Variants in RBFOX1 observed in about 807,000 individuals in gnomAD.
RBFOX1 encodes the protein RNA binding protein fox-1 homolog 1.
RBFOX1 carries 8 observed loss-of-function variants against 57.7 expected under a neutral mutation model. The ratio of observed to expected loss-of-function variants is 0.14; its 90% CI spans 0.08 to 0.25. The LOEUF (loss-of-function observed/expected upper bound fraction) is 0.25. Ranked by LOEUF, RBFOX1 falls within the 10% of genes least tolerant of loss-of-function variation. The pLI, the probability that RBFOX1 is intolerant of heterozygous loss-of-function variation, is 1.00. For missense variants in RBFOX1, 611 were observed against 548.5 expected (o/e 1.11, Z -1.14); for synonymous variants, 326 against 222.4 (o/e 1.47, Z -4.15).
intron 3 of RBFOX1, among the ~76,000 whole-genome samples, chr16:6,963,897 A>G (rs1407719146): frequency 6.6e-6 from 1 of 152,024 alleles, no homozygotes; most frequent in African/African-American, 2.4e-5. Flanking sequence ...ATGGGATTTC[A>G]CTGTGTTAGC....
chr16:7,283,432 A>G (rs1034197999), intron 4 of RBFOX1, among the ~76,000 whole-genome samples: 2 of 152,046 alleles, frequency 1.3e-5, no homozygotes, highest in Non-Finnish European at 2.9e-5. Context: ...GGAGCTCACT[A>G]GGTAGATGAT....
At chr16:6,985,547 G>C (rs1048046847) in intron 3 of RBFOX1, among the ~76,000 whole-genome samples, 1 of 152,108 alleles carries the variant, frequency 6.6e-6, no homozygotes, top group African/African-American at 2.4e-5. Flanking sequence ...ATTAGACAGG[G>C]CTGGGAGCAG....
At chr16:6,204,912 A>C (rs374840724) in intron 1 of RBFOX1, among the ~76,000 whole-genome samples, 26 of 152,286 alleles carry the variant, frequency 1.7e-4, no homozygotes, top group African/African-American at 5.8e-4. Flanking sequence ...ACACACGATT[A>C]AGTTTTGACC....
intron 4 of RBFOX1, among the ~76,000 whole-genome samples, chr16:7,498,419 G>A (rs1731542863): frequency 6.6e-6 from 1 of 151,212 alleles, no homozygotes; most frequent in Non-Finnish European, 1.5e-5. Context: ...TATAACCATG[G>A]TCACAAATAT....
At chr16:7,205,763 A>G (rs2089836150) in intron 4 of RBFOX1, among the ~76,000 whole-genome samples, 2 of 152,258 alleles carry the variant, frequency 1.3e-5, no homozygotes, top group Non-Finnish European at 2.9e-5. Context: ...GAAAAGGGCA[A>G]AAGTGAGTGC....
At chr16:7,401,712 A>C (rs1470593535) in intron 4 of RBFOX1, among the ~76,000 whole-genome samples, 1 of 152,144 alleles carries the variant, frequency 6.6e-6, no homozygotes, top group East Asian at 1.9e-4. Context: ...TGAGGATGAC[A>C]GTGAGGTAAT....
chr16:5,959,896 G>T (rs538758587), intron 4 of RBFOX1, among the ~76,000 whole-genome samples: 1 of 152,176 alleles, frequency 6.6e-6, no homozygotes, highest in Non-Finnish European at 1.5e-5. Context: ...ACCAACAAGT[G>T]TTTTTGAATA....
At chr16:6,495,075 G>T (rs1490440278) in intron 2 of RBFOX1, among the ~76,000 whole-genome samples, 1 of 152,056 alleles carries the variant, frequency 6.6e-6, no homozygotes, top group East Asian at 1.9e-4. Context: ...GGAGAACCCC[G>T]CATTTTAACC....
intron 4 of RBFOX1, among the ~76,000 whole-genome samples, chr16:7,517,184 TG>T (rs1220299376): frequency 7.6e-6 from 1 of 131,760 alleles, no homozygotes; most frequent in African/African-American, 2.8e-5. Context: ...TGTGTGTGTG[TG>T]TGTTGTGGTA....
In RBFOX1 at chr16:6,249,508, A is replaced by T. The variant is rs188529000; in HGVS notation, c.-126-67487A>T. 6.7e-3 allele frequency among the ~76,000 whole-genome samples: 1,020 copies of T among 152,266 alleles called. 5 individuals are homozygous for T. Among genetic ancestry groups the T allele is most frequent in the Middle Eastern group, 0.027 (8 of 294 alleles). ...CACTGCACTCCAGCTTGGGCGACAGAGGGAGACTCCATCTCAAAAAAACAA... is the reference window on the plus strand; with the variant it reads ...CACTGCACTCCAGCTTGGGCGACAGTGGGAGACTCCATCTCAAAAAAACAA... On this transcript the variant is annotated intron_variant, in intron 1 of 15. Transcript: ENST00000550418.
chr16:7,078,666 T>C (rs2058674940), intron 4 of RBFOX1, among the ~76,000 whole-genome samples: 1 of 150,256 alleles, frequency 6.7e-6, no homozygotes, highest in Admixed American at 6.6e-5. Flanking sequence ...TTTTTTATTT[T>C]ATCTTATTTT....
intron 1 of RBFOX1, among the ~76,000 whole-genome samples, chr16:5,374,012 G>A (rs1187859626): frequency 1.3e-5 from 2 of 152,230 alleles, no homozygotes; most frequent in African/African-American, 4.8e-5. Flanking sequence ...CCAGCTTCTG[G>A]GTTCAAGCGA....
At chr16:5,716,422 C>T (rs1035121901) in intron 3 of RBFOX1, among the ~76,000 whole-genome samples, 3 of 152,200 alleles carry the variant, frequency 2.0e-5, no homozygotes, top group Non-Finnish European at 4.4e-5. Flanking sequence ...CGACAGACCC[C>T]AGTGTCCATG....
chr16:6,997,227 C>G (rs961869690), intron 3 of RBFOX1, among the ~76,000 whole-genome samples: 2 of 152,022 alleles, frequency 1.3e-5, no homozygotes, highest in Non-Finnish European at 2.9e-5. Context: ...GATGGTAAGT[C>G]CCTTTGAAGA....
At chr16:5,525,882 A>G (rs757420677) in intron 2 of RBFOX1, among the ~76,000 whole-genome samples, 18 of 151,904 alleles carry the variant, frequency 1.2e-4, no homozygotes, top group Admixed American at 8.5e-4. Flanking sequence ...TTTAATATTA[A>G]TTTATAGTAA....
In RBFOX1 at chr16:7,054,195, T is replaced by A. The variant is rs59462273; in HGVS notation, c.27+2097T>A. ...CACCTCAAAAGAAAACTTCCCTTAT[T>A]AAGGTGATTTTTTTTTTCGGGGGGG... On this transcript the variant is annotated intron_variant, in intron 4 of 15. Coordinates refer to ENST00000550418, the MANE Select transcript of RBFOX1 (RefSeq NM_018723.4). Among the ~76,000 whole-genome samples, 676 of 120,154 alleles carry A rather than the reference T, an allele frequency of 5.6e-3. 18 individuals are homozygous for A. The highest frequency in any genetic ancestry group is 0.022 in the African/African-American group (645 of 29,492). The allele number at this position is 120,154 out of a possible 152,430, so 78.8% of individuals were successfully genotyped here.
chr16:6,868,240 G>C (rs7192853), intron 3 of RBFOX1, among the ~76,000 whole-genome samples: 118,775 of 152,072 alleles, frequency 0.78, 47,419 homozygotes, highest in African/African-American at 0.94. Flanking sequence ...GAAATACTTC[G>C]TGGTCTGCAG....
chr16:6,771,725 G>A (rs947530046), intron 3 of RBFOX1, among the ~76,000 whole-genome samples: 2 of 152,178 alleles, frequency 1.3e-5, no homozygotes, highest in Non-Finnish European at 2.9e-5. Flanking sequence ...GGCGTCTAGC[G>A]GGTGGAGGCC....
At chr16:5,834,434 G>C (rs1016488672) in intron 3 of RBFOX1, among the ~76,000 whole-genome samples, 2 of 152,104 alleles carry the variant, frequency 1.3e-5, no homozygotes, top group South Asian at 4.1e-4. Flanking sequence ...ATAGTATTTT[G>C]TTCTTTTCAT....
Sources: allele counts gnomAD v4.1 joint callset (sites outside exome capture counted in the v4.1 genomes callset), GRCh38; gene constraint gnomAD v4.1.1; transcripts MANE v1.5; gene names NCBI Gene and HGNC (gene_info 2026-07-23, HGNC 2026-07-21).